SNTB2: variants seen among roughly 807,000 people sequenced by gnomAD.
The protein encoded by SNTB2 is syntrophin beta 2, also known as beta-2-syntrophin.
A neutral mutation model predicts 46.2 loss-of-function variants in SNTB2; 34 were observed. The ratio of observed to expected loss-of-function variants is 0.74; its 90% CI spans 0.56 to 0.98. The LOEUF is 0.98. Among genes scored for constraint, SNTB2 ranks in the 50% least tolerant of loss-of-function variants. The pLI is 0.00. For synonymous variants in SNTB2, 290 were observed against 312.6 expected, an observed-to-expected ratio of 0.93 and a Z score of 0.76; for missense variants, 603 against 731.4, an observed-to-expected ratio of 0.82 and a Z score of 2.02.
At chr16:69,187,770 TG>T in intron 1 of SNTB2, 24 bp downstream of exon 1, 1 of 179,700 alleles carries the variant, frequency 5.6e-6, no homozygotes, top group Non-Finnish European at 9.7e-6. Context: ...GGCGGGAGGG[TG>T]GGCAGGCCGC....
At chr16:69,240,838 T>C (rs1964604847) in intron 1 of SNTB2, 2 of 151,870 alleles carry the variant, frequency 1.3e-5, no homozygotes, top group Non-Finnish European at 2.9e-5. Context: ...TTGGATAAGG[T>C]TTTTGTTTCG....
chr16:69,225,103 C>T (rs925574762), intron 1 of SNTB2, among the ~76,000 whole-genome samples: 5 of 152,168 alleles, frequency 3.3e-5, no homozygotes, highest in Non-Finnish European at 7.4e-5. Flanking sequence ...CTGAAAAGCT[C>T]TAATAACAAT....
intron 5 of SNTB2, among the ~76,000 whole-genome samples, chr16:69,289,445 A>G (rs1452523537): frequency 3.3e-5 from 5 of 152,120 alleles, no homozygotes; most frequent in African/African-American, 1.2e-4. Context: ...TGTGGTGACT[A>G]TAGTTAGCAA....
At chr16:69,274,741 T>C (rs1045539013) in intron 4 of SNTB2, among the ~76,000 whole-genome samples, 18 of 151,752 alleles carry the variant, frequency 1.2e-4, no homozygotes, top group African/African-American at 4.1e-4. Context: ...GAAGAGTCAC[T>C]TAAGCCCAGT....
chr16:69,213,497 ATTC>A lies in SNTB2; in HGVS notation c.580+25757_580+25759del, dbSNP rs919063700. ...AGTCTGTACTATGATAAATACTGTT[ATTC>A]TTCTTATTTTTTTTTTTGAGATGGA... On this transcript the variant is annotated intron_variant, in intron 1 of 6. Transcript: ENST00000336278. Among the ~76,000 whole-genome samples the A allele has an allele frequency of 6.0e-4, 84 of 139,534 alleles. 2 individuals are homozygous for A. The highest frequency in any genetic ancestry group is 1.9e-3 in the African/African-American group (69 of 35,500). The allele number at this position is 139,534 out of a possible 152,430, so 91.5% of individuals were successfully genotyped here. A position where few individuals can be genotyped will look rare whatever the true frequency, so the allele number is the denominator to read the frequency against.
At chr16:69,278,344 T>A (rs1244456706) in intron 4 of SNTB2, among the ~76,000 whole-genome samples, 2 of 151,644 alleles carry the variant, frequency 1.3e-5, no homozygotes, top group Non-Finnish European at 2.9e-5. Flanking sequence ...AAAGAAAATA[T>A]AAAAAGTGAA....
At chr16:69,198,904 T>G (rs963937197) in intron 1 of SNTB2, among the ~76,000 whole-genome samples, 2 of 151,284 alleles carry the variant, frequency 1.3e-5, no homozygotes, top group East Asian at 1.9e-4. Context: ...ATGTTTTTTT[T>G]TTTTTTTTTT....
chr16:69,260,303 A>C, intron 3 of SNTB2, 43 bp downstream of exon 3: 1 of 1,568,782 alleles, frequency 6.4e-7, no homozygotes, highest in South Asian at 1.1e-5. Context: ...GTTCCCATTC[A>C]GTGCCAGGAT....
intron 2 of SNTB2, among the ~76,000 whole-genome samples, chr16:69,251,468 T>TAAAAAA (rs71148976): frequency 4.7e-5 from 5 of 106,138 alleles, no homozygotes; most frequent in Admixed American, 3.2e-4. Flanking sequence ...ATGTTTAGTT[T>TAAAAAA]AAAAAAAAAA....
intron 1 of SNTB2, among the ~76,000 whole-genome samples, chr16:69,225,981 T>A (rs977006352): frequency 2.0e-5 from 3 of 152,112 alleles, no homozygotes; most frequent in Non-Finnish European, 4.4e-5. Context: ...TTGGCTAGGC[T>A]GGTCTCAAAC....
rs1965301394 is a variant in SNTB2 at position 69,304,524 on chromosome 16, G to A, written c.*3600G>A. 6.6e-6 allele frequency: 1 copy of A among 152,418 alleles called. No individual in the cohort carries two copies. 9.4% of individuals were successfully genotyped at this position (152,418 alleles called of 1,614,324 possible). A position where few individuals can be genotyped will look rare whatever the true frequency, so the allele number is the denominator to read the frequency against. On this transcript the variant is annotated 3_prime_UTR_variant, in exon 7 of 7. Transcript: ENST00000336278. ...TTATTTATTTCTTATATTTTTATAAGTAAAAAAATCTTTCTAAACAACAAA... is the reference window on the plus strand; with the variant it reads ...TTATTTATTTCTTATATTTTTATAAATAAAAAAATCTTTCTAAACAACAAA...
At chr16:69,206,060 G>C (rs1019682591) in intron 1 of SNTB2, among the ~76,000 whole-genome samples, 1 of 152,070 alleles carries the variant, frequency 6.6e-6, no homozygotes, top group Non-Finnish European at 1.5e-5. Context: ...GCAGTGGTGC[G>C]ATCATAGCTC....
At chr16:69,257,414 CTTA>C (rs1186305417) in intron 2 of SNTB2, among the ~76,000 whole-genome samples, 1 of 142,280 alleles carries the variant, frequency 7.0e-6, no homozygotes, top group Admixed American at 7.1e-5. Context: ...GTTCATGACT[CTTA>C]TTTATTTATT....
chr16:69,243,168 T>C (rs1964634911), intron 1 of SNTB2, among the ~76,000 whole-genome samples: 1 of 152,192 alleles, frequency 6.6e-6, no homozygotes, highest in South Asian at 2.1e-4. Context: ...ATGAAATGAT[T>C]CTGAAATATG....
At chr16:69,208,361 G>A (rs1389419864) in intron 1 of SNTB2, among the ~76,000 whole-genome samples, 6 of 150,838 alleles carry the variant, frequency 4.0e-5, no homozygotes, top group Admixed American at 6.6e-5. Flanking sequence ...AACCGAGATC[G>A]TGCCACTGCA....
At chr16:69,300,770 C>T (rs1340015251) in intron 6 of SNTB2, 62 bp from the exon 7 acceptor site, 15 of 1,088,300 alleles carry the variant, frequency 1.4e-5, no homozygotes, top group East Asian at 9.5e-5. Flanking sequence ...TTTGCATCTT[C>T]GTTTATTAAG....
intron 1 of SNTB2, among the ~76,000 whole-genome samples, chr16:69,206,819 G>A (rs557749540): frequency 9.9e-5 from 15 of 151,794 alleles, no homozygotes; most frequent in African/African-American, 3.1e-4. Flanking sequence ...AGGCTGGAGT[G>A]CAGTGGCGCA....
Position 69,229,670 on chromosome 16 carries a change from C to T in SNTB2, c.581-15932C>T, listed in dbSNP as rs185482582. On this transcript the variant is annotated intron_variant, in intron 1 of 6. Coordinates refer to ENST00000336278, the MANE Select transcript of SNTB2 (RefSeq NM_006750.4). ...CTGGCCAACCAGCTTGGTGAAACCCCGTCTCTGCTAAAAATACAAAAATTA... is the reference window on the plus strand; with the variant it reads ...CTGGCCAACCAGCTTGGTGAAACCCTGTCTCTGCTAAAAATACAAAAATTA... Among the ~76,000 whole-genome samples, 1,200 of 150,598 alleles carry T rather than the reference C, an allele frequency of 8.0e-3. 12 individuals carry two copies. The highest frequency in any genetic ancestry group is 0.012 in the Non-Finnish European group (826 of 67,580).
At position 69,270,231 on chromosome 16, in the gene SNTB2, G is replaced by A; in HGVS notation, c.1094G>A (p.Trp365Ter). The change falls in exon 4 of 7, where the codon TGG becomes TAG. Residue 365 changes from tryptophan (W) to a stop codon, truncating the protein, a stop_gained. Coordinates refer to ENST00000336278, the MANE Select transcript of SNTB2 (RefSeq NM_006750.4). LOFTEE classifies it high-confidence loss of function. ...KDLLLYDCMPWTRDAWASPCH... is the reference protein window; with the variant it reads ...KDLLLYDCMP ...TTGCTGCTCTATGACTGTATGCCGT[G>A]GACAAGAGATGCCTGGGCGTCACCA... 6.2e-7 allele frequency: 1 copy of A among 1,613,946 alleles called. No individual in the cohort carries two copies. The highest frequency in any genetic ancestry group is 8.5e-7 in the Non-Finnish European group (1 of 1,180,000).
Sources: allele counts gnomAD v4.1 joint callset (sites outside exome capture counted in the v4.1 genomes callset), GRCh38; gene constraint gnomAD v4.1.1; transcripts MANE v1.5; gene names NCBI Gene and HGNC (gene_info 2026-07-23, HGNC 2026-07-21).